Variants in CDH13 observed in about 807,000 individuals in gnomAD.
CDH13 encodes the protein cadherin-13.
CDH13 carries 24 observed loss-of-function variants against 63.8 expected under a neutral mutation model. That is an observed-to-expected ratio of 0.38 (90% CI 0.27 to 0.53). The LOEUF is 0.53. Among genes scored for constraint, CDH13 ranks in the 20% least tolerant of loss-of-function variants. The probability of loss-of-function intolerance (pLI) is 0.85; values close to 1 mark genes in which losing one functional copy is unlikely to be tolerated. For synonymous variants in CDH13, 503 were observed against 355.3 expected (o/e 1.42, Z -4.67); for missense variants, 1,049 against 903.1 (o/e 1.16, Z -2.07).
chr16:82,653,993 G>A (rs1179973102), intron 1 of CDH13, among the ~76,000 whole-genome samples: 1 of 152,102 alleles, frequency 6.6e-6, no homozygotes, highest in African/African-American at 2.4e-5. Context: ...GAGAAATCAG[G>A]TTTCTTCCAG....
intron 2 of CDH13, among the ~76,000 whole-genome samples, chr16:83,030,765 G>A (rs1204626033): frequency 6.0e-5 from 9 of 149,604 alleles, no homozygotes; most frequent in Admixed American, 4.0e-4. Flanking sequence ...ACAACAAATC[G>A]TCCAGGGCTA....
At chr16:83,675,274 C>T (rs1366388463) in intron 9 of CDH13, among the ~76,000 whole-genome samples, 1 of 152,174 alleles carries the variant, frequency 6.6e-6, no homozygotes, top group East Asian at 1.9e-4. Context: ...TCAGCAGCTC[C>T]AGGTGGTCTG....
intron 6 of CDH13, among the ~76,000 whole-genome samples, chr16:83,406,417 T>TCCC (rs61149137): frequency 0.021 from 2,973 of 144,258 alleles, 72 homozygotes; most frequent in African/African-American, 0.06. Context: ...TCTCTTTCTT[T>TCCC]CCCCCCCCGC....
chr16:83,526,815 T>C (rs1243593309), intron 7 of CDH13, among the ~76,000 whole-genome samples: 2 of 152,114 alleles, frequency 1.3e-5, no homozygotes, highest in Non-Finnish European at 2.9e-5. Flanking sequence ...CCAGTAATTG[T>C]CTTGAAGCAG....
chr16:83,463,700 G>C (rs2073237628), intron 6 of CDH13, among the ~76,000 whole-genome samples: 1 of 152,190 alleles, frequency 6.6e-6, no homozygotes, highest in Non-Finnish European at 1.5e-5. Context: ...AAACTTGGGA[G>C]GGGCTGAGGT....
chr16:83,267,732 C>G (rs1480274608), intron 5 of CDH13, among the ~76,000 whole-genome samples: 1 of 152,214 alleles, frequency 6.6e-6, no homozygotes, highest in Non-Finnish European at 1.5e-5. Context: ...GCCCCTCAAT[C>G]TTGGACTTCC....
rs192374825 is a variant in CDH13, at chr16:82,899,059, T to C, written c.157+40586T>C. Among the ~76,000 whole-genome samples, 283 of 152,274 alleles carry C rather than the reference T, an allele frequency of 1.9e-3. 5 individuals carry two copies. The highest frequency in any genetic ancestry group is 0.017 in the Admixed American group (260 of 15,298). On this transcript the variant is annotated intron_variant, in intron 2 of 13. Transcript: ENST00000567109. ...CATCAACTAGGATGACAAGTCCTTT[T>C]TGAAGGACCATCTGAAGGGTCCATC...
intron 8 of CDH13, among the ~76,000 whole-genome samples, chr16:83,625,154 C>T (rs1386077769): frequency 1.3e-5 from 2 of 149,614 alleles, no homozygotes; most frequent in African/African-American, 5.0e-5. Context: ...TAAAGAAACT[C>T]TGTGTGTGTG....
At chr16:83,040,330 T>C (rs1917224613) in intron 3 of CDH13, among the ~76,000 whole-genome samples, 2 of 152,112 alleles carry the variant, frequency 1.3e-5, no homozygotes, top group African/African-American at 2.4e-5. Flanking sequence ...ACTCACATCA[T>C]CACAAGGTAA....
At chr16:82,840,809 T>C (rs2038979094) in intron 1 of CDH13, among the ~76,000 whole-genome samples, 2 of 152,232 alleles carry the variant, frequency 1.3e-5, no homozygotes, top group South Asian at 4.1e-4. Flanking sequence ...TTAATGGTGT[T>C]GGCCGTTTCA....
chr16:83,496,977 G>GT (rs2074161045), intron 7 of CDH13, among the ~76,000 whole-genome samples: 1 of 152,226 alleles, frequency 6.6e-6, no homozygotes, highest in African/African-American at 2.4e-5. Context: ...TCTCACACCA[G>GT]TTAGAATGGC....
chr16:83,570,848 A>ATT, intron 7 of CDH13, among the ~76,000 whole-genome samples: 2 of 139,974 alleles, frequency 1.4e-5, no homozygotes. Flanking sequence ...ATTTTTATAT[A>ATT]TATAAATATA....
At chr16:83,173,448 G>T (rs756729134) in intron 4 of CDH13, among the ~76,000 whole-genome samples, 2 of 151,984 alleles carry the variant, frequency 1.3e-5, no homozygotes, top group Admixed American at 6.6e-5. Flanking sequence ...TTAACCGTGG[G>T]TCTCTTTTTA....
chr16:82,793,019 C>G (rs775610723), intron 1 of CDH13, among the ~76,000 whole-genome samples: 1 of 152,202 alleles, frequency 6.6e-6, no homozygotes, highest in Non-Finnish European at 1.5e-5. Flanking sequence ...CAGAAGCAGA[C>G]TTGACTTTGG....
At chr16:83,256,780 G>C (rs921921107) in intron 5 of CDH13, among the ~76,000 whole-genome samples, 1 of 149,766 alleles carries the variant, frequency 6.7e-6, no homozygotes, top group Non-Finnish European at 1.5e-5. Context: ...AGGAGGCGGA[G>C]CTTGCAGTGA....
rs1458530392 is a variant in CDH13 at position 83,368,080 on chromosome 16, G to A, written c.781+23074G>A. Reference sequence around the variant, plus strand: ...TAATTTCTTATGTGGATTATTCATTGTTATTATATTTAATCAATTGATTCT... The same window carrying A: ...TAATTTCTTATGTGGATTATTCATTATTATTATATTTAATCAATTGATTCT... On this transcript the variant is annotated intron_variant, in intron 6 of 13. Coordinates refer to ENST00000567109, the MANE Select transcript of CDH13 (RefSeq NM_001257.5). 2.0e-5 allele frequency among the ~76,000 whole-genome samples: 3 copies of A among 152,206 alleles called. No homozygotes were observed. The East Asian group carries it at 5.8e-4, about 29-fold the overall frequency.
At chr16:83,782,727 C>T (rs1308438668) in intron 12 of CDH13, among the ~76,000 whole-genome samples, 2 of 144,004 alleles carry the variant, frequency 1.4e-5, no homozygotes, top group East Asian at 2.3e-4. Flanking sequence ...CAGAGTGAGA[C>T]CCTGTCTCGA....
At chr16:83,067,521 G>A (rs1019910920) in intron 3 of CDH13, among the ~76,000 whole-genome samples, 2 of 152,118 alleles carry the variant, frequency 1.3e-5, no homozygotes, top group Admixed American at 6.5e-5. Flanking sequence ...CAAACGACAA[G>A]CATTTTTTGC....
At chr16:82,933,907 G>C (rs946235844) in intron 2 of CDH13, among the ~76,000 whole-genome samples, 1 of 152,206 alleles carries the variant, frequency 6.6e-6, no homozygotes, top group Non-Finnish European at 1.5e-5. Context: ...GGGCAGCTTT[G>C]TCCCTGTGGC....
Sources: allele counts gnomAD v4.1 joint callset (sites outside exome capture counted in the v4.1 genomes callset), GRCh38; gene constraint gnomAD v4.1.1; transcripts MANE v1.5; gene names NCBI Gene and HGNC (gene_info 2026-07-23, HGNC 2026-07-21).